MEI4: variants seen among roughly 807,000 people sequenced by gnomAD.
MEI4 encodes meiotic double-stranded break formation protein 4, also known as meiosis-specific protein MEI4.
A neutral mutation model predicts 31.4 loss-of-function variants in MEI4; 27 were observed. The ratio of observed to expected loss-of-function variants is 0.86; its 90% CI spans 0.63 to 1.19. The LOEUF is 1.19. Among genes scored for constraint, MEI4 ranks in the 50% most tolerant of loss-of-function variants. The pLI is 0.00. For missense variants in MEI4, 329 were observed against 398.9 expected (o/e 0.82, Z 1.49); for synonymous variants, 122 against 145.4 (o/e 0.84, Z 1.16).
rs150813418 is a variant in MEI4, at chr6:77,694,506, T to C, written c.232+3603T>C. 6.4e-3 allele frequency among the ~76,000 whole-genome samples: 945 copies of C among 147,840 alleles called. 20 individuals carry two copies. Among genetic ancestry groups the C allele is most frequent in the Admixed American group, 0.045 (639 of 14,330 alleles). On this transcript the variant is annotated intron_variant, in intron 2 of 4. Transcript: ENST00000684080. ...CAATTCCCACCTATGAGTGAGAACA[T>C]AAGGTGTTTGGTTTTTTGTCCTTGT...
intron 1 of MEI4, among the ~76,000 whole-genome samples, chr6:77,665,128 G>A (rs533125306): frequency 6.6e-6 from 1 of 151,746 alleles, no homozygotes; most frequent in Admixed American, 6.6e-5. Context: ...GAGATAAGAG[G>A]TCGGGGCATG....
chr6:77,750,674 G>T (rs1380663939), intron 2 of MEI4, among the ~76,000 whole-genome samples: 1 of 152,062 alleles, frequency 6.6e-6, no homozygotes, highest in African/African-American at 2.4e-5. Context: ...AATATTGGGA[G>T]ACTTCAACAC....
chr6:77,906,333 A>G (rs200165732), intron 4 of MEI4, among the ~76,000 whole-genome samples: 1 of 152,108 alleles, frequency 6.6e-6, no homozygotes, highest in Non-Finnish European at 1.5e-5. Context: ...GTGTTGAAAG[A>G]TCATGCCTTA....
chr6:77,899,564 C>G (rs1266262717), intron 4 of MEI4, among the ~76,000 whole-genome samples: 1 of 152,018 alleles, frequency 6.6e-6, no homozygotes, highest in Admixed American at 6.6e-5. Flanking sequence ...GGAGAATGTT[C>G]AGGCAAAACA....
chr6:77,880,127 A>G (rs1771442882), intron 4 of MEI4, among the ~76,000 whole-genome samples: 1 of 152,200 alleles, frequency 6.6e-6, no homozygotes, highest in African/African-American at 2.4e-5. Context: ...GATTATTTAC[A>G]CAGTTACTCA....
intron 4 of MEI4, among the ~76,000 whole-genome samples, chr6:77,899,863 C>T (rs1766153207): frequency 6.6e-6 from 1 of 151,536 alleles, no homozygotes; most frequent in Non-Finnish European, 1.5e-5. Flanking sequence ...TGAATACTGC[C>T]GTAGTAAACA....
At chr6:77,689,665 G>T (rs889533786) in intron 1 of MEI4, among the ~76,000 whole-genome samples, 8 of 152,056 alleles carry the variant, frequency 5.3e-5, no homozygotes, top group African/African-American at 1.9e-4. Context: ...GTACACTTGG[G>T]CTGTATCTGG....
intron 2 of MEI4, among the ~76,000 whole-genome samples, chr6:77,715,189 T>A (rs1387558563): frequency 6.6e-6 from 1 of 152,218 alleles, no homozygotes; most frequent in Non-Finnish European, 1.5e-5. Context: ...TTTTATGTTT[T>A]AATGGTAAGA....
intron 3 of MEI4, among the ~76,000 whole-genome samples, chr6:77,780,911 T>A (rs948648751): frequency 1.3e-5 from 2 of 152,072 alleles, no homozygotes; most frequent in Non-Finnish European, 2.9e-5. Flanking sequence ...TATATAGAAT[T>A]TACTCTTTTT....
intron 3 of MEI4, among the ~76,000 whole-genome samples, chr6:77,793,985 G>A (rs963485996): frequency 1.3e-5 from 2 of 151,940 alleles, no homozygotes; most frequent in African/African-American, 2.4e-5. Flanking sequence ...TCAATCAAAA[G>A]ACACAGACTG....
intron 4 of MEI4, among the ~76,000 whole-genome samples, chr6:77,829,516 T>C (rs1770029556): frequency 6.6e-6 from 1 of 152,174 alleles, no homozygotes; most frequent in Non-Finnish European, 1.5e-5. Context: ...TATTATTACA[T>C]AGAGGTCTCT....
intron 1 of MEI4, among the ~76,000 whole-genome samples, chr6:77,666,731 AT>A (rs1175319748): frequency 1.3e-5 from 2 of 151,576 alleles, no homozygotes; most frequent in Non-Finnish European, 2.9e-5. Flanking sequence ...ATGATTTTTT[AT>A]GGTGATTTTT....
chr6:77,888,115 A>G (rs773666660), intron 4 of MEI4, among the ~76,000 whole-genome samples: 6 of 152,118 alleles, frequency 3.9e-5, no homozygotes, highest in African/African-American at 7.2e-5. Context: ...ATTTGCATGG[A>G]ATATCATTTT....
chr6:77,869,426 C>G (rs551281104), intron 4 of MEI4, among the ~76,000 whole-genome samples: 3 of 152,046 alleles, frequency 2.0e-5, no homozygotes, highest in African/African-American at 7.2e-5. Context: ...TGCCCTAATC[C>G]AATCTTTCTG....
At chr6:77,692,760 A>G (rs1328447424) in intron 2 of MEI4, among the ~76,000 whole-genome samples, 1 of 152,090 alleles carries the variant, frequency 6.6e-6, no homozygotes, top group Non-Finnish European at 1.5e-5. Context: ...GTGAACACAG[A>G]AATAAGCTAA....
chr6:77,789,878 C>T (rs1000672848), intron 3 of MEI4, among the ~76,000 whole-genome samples: 17 of 152,018 alleles, frequency 1.1e-4, no homozygotes, highest in African/African-American at 3.9e-4. Context: ...CTAGAAATAC[C>T]ATTTGACCCA....
intron 4 of MEI4, among the ~76,000 whole-genome samples, chr6:77,893,618 C>A (rs929265788): frequency 1.1e-4 from 16 of 152,212 alleles, no homozygotes; most frequent in African/African-American, 3.1e-4. Flanking sequence ...CTGTGCTTGA[C>A]TTAGCCACTA....
chr6:77,863,021 G>A (rs1428225637), intron 4 of MEI4, among the ~76,000 whole-genome samples: 1 of 152,178 alleles, frequency 6.6e-6, no homozygotes, highest in Non-Finnish European at 1.5e-5. Flanking sequence ...GGTCTTGACT[G>A]TTAGAAGGAA....
intron 2 of MEI4, among the ~76,000 whole-genome samples, chr6:77,737,153 A>G (rs4708362): frequency 0.53 from 80,295 of 152,116 alleles, 22,663 homozygotes; most frequent in East Asian, 0.75. Flanking sequence ...GGAAAATAAA[A>G]GGGAAACTTA....
Sources: allele counts gnomAD v4.1 joint callset (sites outside exome capture counted in the v4.1 genomes callset), GRCh38; gene constraint gnomAD v4.1.1; transcripts MANE v1.5; gene names NCBI Gene and HGNC (gene_info 2026-07-23, HGNC 2026-07-21).